The following PAPLN variants were observed in gnomAD, a reference collection of about 807,000 sequenced individuals.
The protein encoded by PAPLN is papilin, proteoglycan like sulfated glycoprotein, also known as papilin.
A neutral mutation model predicts 159.0 loss-of-function variants in PAPLN; 146 were observed. The ratio of observed to expected loss-of-function variants is 0.92; its 90% CI spans 0.80 to 1.05. PAPLN has a LOEUF of 1.05. Among genes scored for constraint, PAPLN ranks in the 50% least tolerant of loss-of-function variants. PAPLN has a pLI of 0.00. For missense variants in PAPLN, 1,720 were observed against 1,743.9 expected (o/e 0.99, Z 0.24); for synonymous variants, 734 against 702.9 (o/e 1.04, Z -0.70).
intron 15 of PAPLN, 103 bp from the exon 16 acceptor site, chr14:73,259,166 G>A: frequency 1.3e-6 from 2 of 1,525,696 alleles, no homozygotes; most frequent in Non-Finnish European, 1.8e-6. Context: ...ATGGTGGAAG[G>A]GAGAATGGTC....
chr14:73,240,175 G>GACACCTGTCTTCTGCCTGGAGCCAA (rs1883387902), intron 2 of PAPLN, among the ~76,000 whole-genome samples: 1 of 152,086 alleles, frequency 6.6e-6, no homozygotes, highest in Non-Finnish European at 1.5e-5. Context: ...CATCCCACCA[G>GACACCTGTCTTCTGCCTGGAGCCAA]ACACCTGTCT....
intron 19 of PAPLN, chr14:73,263,302 G>A (rs543373074): frequency 2.0e-4 from 84 of 412,562 alleles, no homozygotes; most frequent in South Asian, 5.0e-4. Context: ...AATTAAAAGC[G>A]TTGTGTTCCA....
In PAPLN at chr14:73,247,701, G is replaced by A. The variant is rs538297782; in HGVS notation, c.334+1526G>A. Among the ~76,000 whole-genome samples the A allele has an allele frequency of 2.8e-5, 4 of 144,790 alleles. No homozygotes were observed. The South Asian group carries it at 8.9e-4, about 32-fold the overall frequency. 95.0% of individuals were successfully genotyped at this position (144,790 alleles called of 152,430 possible). A position where few individuals can be genotyped will look rare whatever the true frequency, so the allele number is the denominator to read the frequency against. On this transcript the variant is annotated intron_variant, in intron 5 of 26. Transcript: ENST00000644200. Reference sequence around the variant, plus strand: ...GTGTGTTGTGGGGATCGTGGCTGTGGGCATGGCCCAGTGGGAGTCTCATGT... The same window carrying A: ...GTGTGTTGTGGGGATCGTGGCTGTGAGCATGGCCCAGTGGGAGTCTCATGT...
rs766514958 is a variant in PAPLN at position 73,254,985 on chromosome 14, C to A, written c.1594C>A (p.Pro532Thr). The change falls in exon 14 of 27, where the codon CCT (proline) becomes ACT (threonine). Residue 532 changes from proline (P) to threonine (T), a missense_variant. Pro to Thr is a conservative substitution (Grantham distance 38). Transcript: ENST00000644200. ...GCACTCCAAGCCTGTGGATGTGGAG[C>A]CTTGTAACACGCAGCCCTGTCATCT... ...LQHSKPVDVE[P>T]CNTQPCHLPQ... is the part of the protein sequence containing the mutation. 1.9e-6 allele frequency: 3 copies of A among 1,613,738 alleles called. No individual in the cohort carries two copies. The highest frequency in any genetic ancestry group is 1.3e-5 in the African/African-American group (1 of 75,020).
rs145657526 is a variant in PAPLN, at chr14:73,253,881, G to A, written c.1222G>A (p.Gly408Arg). Residue 408 changes from glycine (G) to arginine (R), a missense_variant, in exon 12 of 27, where the codon GGG becomes AGG. Coordinates refer to ENST00000644200, the MANE Select transcript of PAPLN (RefSeq NM_001365906.3). ...GGCCGTGGAGGAGGCTGAGTGTGCC[G>A]GGCTGCCTGGGAAGCCCCCTGCCAT... ...QEAVEEAECA[G>R]LPGKPPAIQA... 165 of 1,613,356 alleles carry A rather than the reference G, an allele frequency of 1.0e-4. No homozygotes were observed. Among genetic ancestry groups the A allele is most frequent in the African/African-American group, 2.4e-4 (18 of 75,032 alleles).
At chr14:73,252,590 G>A in intron 10 of PAPLN, 59 bp from the exon 11 acceptor site, 36 of 1,580,586 alleles carry the variant, frequency 2.3e-5, no homozygotes, top group Non-Finnish European at 3.1e-5. Flanking sequence ...CCTGGCCCAG[G>A]GAACGCGCTT....
chr14:73,238,806 A>G (rs1342845408), intron 1 of PAPLN, among the ~76,000 whole-genome samples: 1 of 152,234 alleles, frequency 6.6e-6, no homozygotes, highest in Non-Finnish European at 1.5e-5. Context: ...TGGCTTCTGT[A>G]TGCTGTCTTT....
intron 16 of PAPLN, 115 bp from the exon 17 acceptor site, chr14:73,260,594 C>T: frequency 3.8e-6 from 5 of 1,310,214 alleles, no homozygotes; most frequent in East Asian, 2.8e-5. Context: ...GTCCTCTCCC[C>T]CCCAGGTCCC....
At chr14:73,253,085 C>T (rs1483449960) in intron 11 of PAPLN, 75 of 1,371,806 alleles carry the variant, frequency 5.5e-5, no homozygotes, top group Non-Finnish European at 7.2e-5. Flanking sequence ...TTTGGCTTGG[C>T]AGATGCCAAG....
Position 73,251,178 on chromosome 14 carries a change from C to T in PAPLN, c.589+148C>T, listed in dbSNP as rs1184459659. On this transcript the variant is annotated intron_variant, in intron 7 of 26. Transcript: ENST00000644200. ...TCATATCAGGTCACATCTGAAAGGC[C>T]CCCTGTGGCCTTTGGTTAGGACTCG... The T allele has an allele frequency of 4.4e-6, 6 of 1,375,004 alleles. No individual in the cohort carries two copies. The East Asian group carries it at 1.2e-4, about 27-fold the overall frequency. 85.2% of individuals were successfully genotyped at this position (1,375,004 alleles called of 1,614,324 possible).
upstream of PAPLN, among the ~76,000 whole-genome samples, chr14:73,236,286 G>T (rs183965404): frequency 6.6e-6 from 1 of 152,238 alleles, no homozygotes; most frequent in Non-Finnish European, 1.5e-5. Flanking sequence ...TGGCACAGGT[G>T]GTGGGGCTGC....
At chr14:73,259,132 T>C in intron 15 of PAPLN, 73 bp downstream of exon 15, 3 of 1,540,724 alleles carry the variant, frequency 1.9e-6, no homozygotes, top group Non-Finnish European at 2.6e-6. Flanking sequence ...CATGGGGGTG[T>C]GGGGGTCACA....
rs1594811929 is a variant in PAPLN, at chr14:73,258,943, C to T, written c.1628-36C>T. The T allele has an allele frequency of 3.8e-6, 6 of 1,570,652 alleles. No homozygotes were observed. The East Asian group carries it at 1.4e-4, about 36-fold the overall frequency. ...GCTCAGGTCCATCCTCTCTTCCTCC[C>T]TCTCCGTCCCACATGGACCTCCCGG... is the stretch of plus-strand genomic sequence containing the variant. On this transcript the variant is annotated intron_variant, in intron 14 of 26. Transcript: ENST00000644200.
intron 5 of PAPLN, chr14:73,249,674 C>CAAAAA (rs58852515): frequency 2.1e-5 from 2 of 93,394 alleles, no homozygotes; most frequent in African/African-American, 4.1e-5. Context: ...GACTCCACCT[C>CAAAAA]AAAAAAAAAA....
chr14:73,249,338 T>G (rs965880247), intron 5 of PAPLN, among the ~76,000 whole-genome samples: 3 of 152,230 alleles, frequency 2.0e-5, no homozygotes, highest in Non-Finnish European at 2.9e-5. Flanking sequence ...TGTAACTGCA[T>G]AGTCAGCATG....
intron 19 of PAPLN, 40 bp downstream of exon 19, chr14:73,262,867 C>A: frequency 7.1e-7 from 1 of 1,407,054 alleles, no homozygotes. Flanking sequence ...TTAGGACGCC[C>A]AGACAAGGAG....
At position 73,245,984 on chromosome 14, in the gene PAPLN, T is replaced by TCCTGGGCTC; in HGVS notation, c.232-79_232-71dup. On this transcript the variant is annotated intron_variant, in intron 4 of 26. Transcript: ENST00000644200. This position sits in a 1 kb window ranked among gnomAD's most constrained non-coding sequence, Gnocchi z 4.2. ...CTCCGATGGGGCAGGCAAGGGAGAC[T>TCCTGGGCTC]CCTGGGCTCCCTGGGCTCGGGCGGG... The TCCTGGGCTC allele has an allele frequency of 2.3e-6, 3 of 1,313,042 alleles. No individual in the cohort carries two copies. Among genetic ancestry groups the TCCTGGGCTC allele is most frequent in the Admixed American group, 2.7e-5 (1 of 36,770 alleles). The allele number at this position is 1,313,042 out of a possible 1,614,324, so 81.3% of individuals were successfully genotyped here.
intron 14 of PAPLN, among the ~76,000 whole-genome samples, 191 bp downstream of exon 14, chr14:73,255,209 C>A (rs543043644): frequency 6.6e-6 from 1 of 152,342 alleles, no homozygotes; most frequent in African/African-American, 2.4e-5. Flanking sequence ...GCCCACCAGG[C>A]AGCCCTGCTT....
chr14:73,255,032 G>A lies in PAPLN; in HGVS notation c.1627+14G>A. 1 of 1,608,852 alleles carries A rather than the reference G, an allele frequency of 6.2e-7. No homozygotes were observed. The highest frequency in any genetic ancestry group is 8.5e-7 in the Non-Finnish European group (1 of 1,177,804). On this transcript the variant is annotated intron_variant, in intron 14 of 26. Coordinates refer to ENST00000644200, the MANE Select transcript of PAPLN (RefSeq NM_001365906.3). The stretch of plus-strand genomic sequence containing the variant: ...ATCTCCCCCAGGGTAAGGACAGGAG[G>A]GCAGGGAGGAGTCCGGCCTCTGACC...
Sources: gnomAD v4.1 joint callset for allele counts (sites outside exome capture counted in the v4.1 genomes callset) on GRCh38, gnomAD v4.1.1 for gene constraint, Gnocchi (gnomAD v3.1) non-coding constraint, MANE v1.5 for transcripts, NCBI Gene and HGNC (gene_info 2026-07-23, HGNC 2026-07-21) for gene names.